The following CASTOR2 variants were observed in gnomAD, a reference collection of about 807,000 sequenced individuals.
The protein encoded by CASTOR2 is GATS protein like 2.
A neutral mutation model predicts 31.2 loss-of-function variants in CASTOR2; 8 were observed. The ratio of observed to expected loss-of-function variants is 0.26; its 90% CI spans 0.15 to 0.46. The LOEUF (loss-of-function observed/expected upper bound fraction) is 0.46. CASTOR2 is among the 20% of genes least tolerant of loss of function. The probability of loss-of-function intolerance (pLI) is 0.99; values close to 1 mark genes in which losing one functional copy is unlikely to be tolerated. For missense variants in CASTOR2, 216 were observed against 382.1 expected (o/e 0.57, Z 3.62); for synonymous variants, 162 against 158.7 (o/e 1.02, Z -0.16).
rs868994924 is a variant in CASTOR2 at position 74,998,283 on chromosome 7, A to C, written c.114-9711A>C. On this transcript the variant is annotated intron_variant, in intron 1 of 8. Transcript: ENST00000616305. ...CTGGGCATGGCGGCCCTGGAGGAGG[A>C]GATGCAGCCTTGTCTCTTGCTCGCA... 2.3e-3 allele frequency among the ~76,000 whole-genome samples: 355 copies of C among 152,234 alleles called. 3 individuals are homozygous for C. Among genetic ancestry groups the C allele is most frequent in the Middle Eastern group, 0.017 (5 of 294 alleles).
chr7:74,995,995 G>A (rs1359485725), intron 1 of CASTOR2, among the ~76,000 whole-genome samples: 3 of 151,918 alleles, frequency 2.0e-5, no homozygotes, highest in Non-Finnish European at 1.5e-5. Context: ...AAAGATGGGC[G>A]AATGATCAGA....
intron 1 of CASTOR2, among the ~76,000 whole-genome samples, chr7:75,006,256 A>G (rs1804603315): frequency 6.6e-6 from 1 of 152,222 alleles, no homozygotes; most frequent in African/African-American, 2.4e-5. Context: ...TGCACTCCAG[A>G]CTAGGTGATG....
At chr7:75,000,654 T>TTTTG (rs1258262062) in intron 1 of CASTOR2, among the ~76,000 whole-genome samples, 7 of 151,932 alleles carry the variant, frequency 4.6e-5, no homozygotes, top group East Asian at 1.9e-4. Context: ...CCAGGCTCTT[T>TTTTG]TTTGTTTGTT....
At chr7:74,983,435 T>C (rs1322824264) in intron 1 of CASTOR2, among the ~76,000 whole-genome samples, 1 of 147,414 alleles carries the variant, frequency 6.8e-6, no homozygotes, top group Non-Finnish European at 1.5e-5. Context: ...AGCCCGTCAG[T>C]CCAAATTAGC....
At position 74,980,612 on chromosome 7, in the gene CASTOR2, G is replaced by A. The variant is rs587748808; in HGVS notation, c.113+15514G>A. On this transcript the variant is annotated intron_variant, in intron 1 of 8. Transcript: ENST00000616305. ...TGCCCTCTACTTGATGCAAGCCTCGGCGAGGTGGCAGTGGTGGCCTCTGTC... is the reference window on the plus strand; with the variant it reads ...TGCCCTCTACTTGATGCAAGCCTCGACGAGGTGGCAGTGGTGGCCTCTGTC... 2.7e-3 allele frequency among the ~76,000 whole-genome samples: 370 copies of A among 136,700 alleles called. 18 individuals carry two copies. The highest frequency in any genetic ancestry group is 4.2e-3 in the Admixed American group (60 of 14,378). 89.7% of individuals were successfully genotyped at this position (136,700 alleles called of 152,430 possible).
At chr7:74,998,709 G>A (rs1288948976) in intron 1 of CASTOR2, among the ~76,000 whole-genome samples, 5 of 151,916 alleles carry the variant, frequency 3.3e-5, no homozygotes, top group African/African-American at 4.8e-5. Flanking sequence ...AAAGGAAGTT[G>A]GGCTGGGGAC....
chr7:74,999,642 G>A (rs1344259975), intron 1 of CASTOR2, among the ~76,000 whole-genome samples: 1 of 88,870 alleles, frequency 1.1e-5, no homozygotes, highest in Non-Finnish European at 1.9e-5. Context: ...TTTTTGAGAC[G>A]GAATCTCGCT....
At position 75,017,845 on chromosome 7, in the gene CASTOR2, C is replaced by G; in HGVS notation, c.378+54C>G. 12 of 1,613,414 alleles carry G rather than the reference C, an allele frequency of 7.4e-6. No homozygotes were observed. The South Asian group carries it at 9.9e-5, about 13-fold the overall frequency. On this transcript the variant is annotated intron_variant, in intron 3 of 8. Transcript: ENST00000616305. ...CACACTCATGCCCGCCTCTGACACA[C>G]TCACTCCCATCTCCCACCCCTTGCA...
intron 1 of CASTOR2, among the ~76,000 whole-genome samples, chr7:75,001,536 G>A (rs2131940051): frequency 6.6e-6 from 1 of 152,366 alleles, no homozygotes; most frequent in African/African-American, 2.4e-5. Flanking sequence ...ATTAGAAAAG[G>A]CGGAGAGAGA....
intron 1 of CASTOR2, among the ~76,000 whole-genome samples, chr7:74,983,319 TTTC>T (rs1308219498): frequency 1.1e-4 from 17 of 151,366 alleles, no homozygotes; most frequent in East Asian, 1.9e-4. Flanking sequence ...GCCACATTTC[TTTC>T]TTCTTCTTTT....
intron 1 of CASTOR2, among the ~76,000 whole-genome samples, chr7:74,981,614 T>C (rs797034082): frequency 0.65 from 95,167 of 146,544 alleles, 33,056 homozygotes; most frequent in East Asian, 0.93. Flanking sequence ...ATCCATCCTG[T>C]TGGGGTTTTA....
intron 1 of CASTOR2, among the ~76,000 whole-genome samples, chr7:74,997,432 A>G (rs1193215011): frequency 4.8e-5 from 7 of 145,688 alleles, no homozygotes; most frequent in African/African-American, 1.8e-4. Flanking sequence ...ACTCCAAAGC[A>G]TTGCCTTTTT....
chr7:75,020,920 C>T (rs1488521814), intron 6 of CASTOR2, among the ~76,000 whole-genome samples: 1 of 152,114 alleles, frequency 6.6e-6, no homozygotes, highest in Non-Finnish European at 1.5e-5. Flanking sequence ...TCTCAGCCTC[C>T]TGAATAGTTG....
At chr7:74,998,146 C>G (rs1472936915) in intron 1 of CASTOR2, among the ~76,000 whole-genome samples, 1 of 152,186 alleles carries the variant, frequency 6.6e-6, no homozygotes, top group African/African-American at 2.4e-5. Flanking sequence ...CCCCAGGCAG[C>G]TAACTCCTTT....
chr7:74,988,846 T>C (rs1391863058), intron 1 of CASTOR2, among the ~76,000 whole-genome samples: 1 of 148,974 alleles, frequency 6.7e-6, no homozygotes, highest in Non-Finnish European at 1.5e-5. Context: ...TGCGATCTTC[T>C]GAGGCATGCT....
chr7:75,007,908 T>A (rs1353865675), intron 1 of CASTOR2, 86 bp from the exon 2 acceptor site: 17 of 1,601,326 alleles, frequency 1.1e-5, no homozygotes, highest in Middle Eastern at 1.7e-4. Flanking sequence ...GTGAACTGAG[T>A]CATCATCCCC....
At position 75,028,051 on chromosome 7, in the gene CASTOR2, G is replaced by A; in HGVS notation, c.*3352G>A. Reference sequence around the variant, plus strand: ...AGGTAATCAGAGGAGTGGGCCTGTTGTCTTGGCGCTGGCGGATGGGGCAGG... The same window carrying A: ...AGGTAATCAGAGGAGTGGGCCTGTTATCTTGGCGCTGGCGGATGGGGCAGG... On this transcript the variant is annotated 3_prime_UTR_variant, in exon 9 of 9. Transcript: ENST00000616305. 6.5e-7 allele frequency: 1 copy of A among 1,534,380 alleles called. No homozygotes were observed. The highest frequency in any genetic ancestry group is 8.7e-7 in the Non-Finnish European group (1 of 1,146,658).
In CASTOR2 at chr7:75,023,030, C is replaced by T. The variant is rs996685193; in HGVS notation, c.829+1074C>T. 1.5e-3 allele frequency among the ~76,000 whole-genome samples: 230 copies of T among 151,948 alleles called. 5 individuals are homozygous for T. Among genetic ancestry groups the T allele is most frequent in the Admixed American group, 0.012 (184 of 15,250 alleles). ...CCTTTTCCATCCTGGGAAGAAGCAC[C>T]GGGCAAGGTGGCTTACGCCTGTAAT... On this transcript the variant is annotated intron_variant, in intron 7 of 8. Transcript: ENST00000616305.
intron 2 of CASTOR2, among the ~76,000 whole-genome samples, chr7:75,010,683 G>A (rs1804722708): frequency 6.6e-6 from 1 of 152,120 alleles, no homozygotes; most frequent in Admixed American, 6.6e-5. Context: ...TGGGAAAGCA[G>A]GTTTCAATTA....
Sources: allele counts gnomAD v4.1 joint callset (sites outside exome capture counted in the v4.1 genomes callset), GRCh38; gene constraint gnomAD v4.1.1; transcripts MANE v1.5; gene names NCBI Gene and HGNC (gene_info 2026-07-23, HGNC 2026-07-21).